The following SCN8A variants were observed in gnomAD, a reference collection of about 807,000 sequenced individuals.
SCN8A encodes the protein sodium voltage-gated channel alpha subunit 8.
Under a neutral mutation model 184.1 loss-of-function variants are expected in SCN8A, and 30 were observed. That is an observed-to-expected ratio of 0.16 (90% CI 0.12 to 0.22). The LOEUF is 0.22. Among genes scored for constraint, SCN8A ranks in the 10% least tolerant of loss-of-function variants. The pLI is 1.00. For synonymous variants in SCN8A, 852 were observed against 907.0 expected (o/e 0.94, Z 1.09); for missense variants, 1,057 against 2,498.9 (o/e 0.42, Z 12.30).
chr12:51,705,277 A>G (rs1371062665), intron 9 of SCN8A, 140 bp from the exon 10 acceptor site: 1 of 678,280 alleles, frequency 1.5e-6, no homozygotes, highest in Admixed American at 2.9e-5. Context: ...AAGTGCCCAC[A>G]ATAGGAAGGA....
In SCN8A at chr12:51,640,773, C is replaced by T. The variant is rs539528426; in HGVS notation, c.-54-21991C>T. 5.4e-4 allele frequency among the ~76,000 whole-genome samples: 82 copies of T among 152,310 alleles called. 1 individual carries two copies. The highest frequency in any genetic ancestry group is 9.1e-4 in the Admixed American group (14 of 15,310). On this transcript the variant is annotated intron_variant, in intron 1 of 26. Coordinates refer to ENST00000627620, the MANE Select transcript of SCN8A (RefSeq NM_001330260.2). ...ATCAGTTCCTGATTCATCCACCAGC[C>T]AAGGTTACTGTACCATCCTTGAGGT...
At chr12:51,621,650 T>A (rs1035808419) in intron 1 of SCN8A, among the ~76,000 whole-genome samples, 14 of 152,200 alleles carry the variant, frequency 9.2e-5, no homozygotes, top group Admixed American at 2.6e-4. Context: ...GCAGTACAGA[T>A]TTCTTTAATT....
chr12:51,651,273 G>A (rs184093669), intron 1 of SCN8A, among the ~76,000 whole-genome samples: 10 of 152,268 alleles, frequency 6.6e-5, no homozygotes, highest in Admixed American at 2.0e-4. Flanking sequence ...AACAGATCTC[G>A]GCCTGCTGCA....
At chr12:51,624,369 T>G (rs1263776286) in intron 1 of SCN8A, among the ~76,000 whole-genome samples, 2 of 152,244 alleles carry the variant, frequency 1.3e-5, no homozygotes, top group Non-Finnish European at 2.9e-5. Flanking sequence ...CCAGTGATGA[T>G]GAGCATTTTT....
chr12:51,606,999 G>A (rs1197460164), intron 1 of SCN8A, among the ~76,000 whole-genome samples: 1 of 152,002 alleles, frequency 6.6e-6, no homozygotes, highest in East Asian at 1.9e-4. Flanking sequence ...CCGGGCTCAA[G>A]CAATTCTCCT....
At chr12:51,649,824 G>A (rs1411373812) in intron 1 of SCN8A, among the ~76,000 whole-genome samples, 3 of 152,140 alleles carry the variant, frequency 2.0e-5, no homozygotes, top group African/African-American at 4.8e-5. Flanking sequence ...ATTAACATTC[G>A]CTCCTGATTC....
Position 51,706,714 on chromosome 12 carries a change from A to G in SCN8A, c.1634A>G (p.Gln545Arg), listed in dbSNP as rs763167976. 3 of 1,524,848 alleles carry G rather than the reference A, an allele frequency of 2.0e-6. No individual in the cohort carries two copies. Among genetic ancestry groups the G allele is most frequent in the Middle Eastern group, 3.5e-4 (2 of 5,696 alleles). 94.5% of individuals were successfully genotyped at this position (1,524,848 alleles called of 1,614,324 possible). ...RIGRKFSIMN[Q>R]SLLSIPGSPF... ...GGGAGGAAATTTTCCATCATGAATCAGGTAAACTCTTCTTTTTTCTATACC... is the reference window on the plus strand; with the variant it reads ...GGGAGGAAATTTTCCATCATGAATCGGGTAAACTCTTCTTTTTTCTATACC... Residue 545 changes from glutamine (Q) to arginine (R), a missense_variant and splice_region_variant, in exon 11 of 27, where the codon CAG becomes CGG. Physicochemically the swap from Gln to Arg is conservative, Grantham distance 43. Coordinates refer to ENST00000627620, the MANE Select transcript of SCN8A (RefSeq NM_001330260.2).
chr12:51,688,188 C>T (rs1044188072), intron 5 of SCN8A, among the ~76,000 whole-genome samples: 5 of 152,128 alleles, frequency 3.3e-5, no homozygotes, highest in African/African-American at 1.2e-4. Context: ...GCACTTAACA[C>T]AATATTTGCT....
chr12:51,790,558 A>G lies in SCN8A; in HGVS notation c.4524+56A>G, dbSNP rs2241855. The G allele has an allele frequency of 0.13, 150,085 of 1,171,798 alleles. 13,384 individuals carry two copies. Among genetic ancestry groups the G allele is most frequent in the East Asian group, 0.43 (17,628 of 41,346 alleles). The allele number at this position is 1,171,798 out of a possible 1,614,324, so 72.6% of individuals were successfully genotyped here. On this transcript the variant is annotated intron_variant, in intron 25 of 26. Coordinates refer to ENST00000627620, the MANE Select transcript of SCN8A (RefSeq NM_001330260.2). Reference sequence around the variant, plus strand: ...TGAGAACCCATATAGGAAAAGTACTAGTAGAGTTACTGCAAAGGAAGGAAA... The same window carrying G: ...TGAGAACCCATATAGGAAAAGTACTGGTAGAGTTACTGCAAAGGAAGGAAA...
intron 25 of SCN8A, 21 bp downstream of exon 25, chr12:51,790,523 G>A (rs778218090): frequency 1.3e-6 from 2 of 1,529,566 alleles, no homozygotes; most frequent in East Asian, 4.5e-5. Flanking sequence ...TGTGCAGGCT[G>A]AGGCCTTGGT....
At chr12:51,784,257 G>A (rs1031241772) in intron 21 of SCN8A, among the ~76,000 whole-genome samples, 1 of 152,266 alleles carries the variant, frequency 6.6e-6, no homozygotes, top group African/African-American at 2.4e-5. Context: ...TTATTAGTAC[G>A]TTTAATCAAC....
intron 11 of SCN8A, among the ~76,000 whole-genome samples, chr12:51,714,941 ACTCAT>A (rs1204003431): frequency 6.6e-6 from 1 of 152,204 alleles, no homozygotes; most frequent in East Asian, 1.9e-4. Flanking sequence ...AGTAAGGCCT[ACTCAT>A]CTCATAAACT....
At chr12:51,614,398 T>C (rs145469507) in intron 1 of SCN8A, among the ~76,000 whole-genome samples, 1 of 152,156 alleles carries the variant, frequency 6.6e-6, no homozygotes, top group African/African-American at 2.4e-5. Flanking sequence ...AATATAATCA[T>C]CCTACCTTTC....
rs551072690 is a variant in SCN8A at position 51,790,310 on chromosome 12, C to G, written c.4420-88C>G. The G allele has an allele frequency of 3.4e-5, 29 of 841,010 alleles. No homozygotes were observed. The African/African-American group carries it at 4.5e-4, about 13-fold the overall frequency. The allele number at this position is 841,010 out of a possible 1,614,324, so 52.1% of individuals were successfully genotyped here. On this transcript the variant is annotated intron_variant, in intron 24 of 26. Transcript: ENST00000627620. ...TACAAAGGAAAGGGATAGGTCTCCC[C>G]TCAGTTCTCAGTATTGAACCTTAGG...
intron 20 of SCN8A, chr12:51,780,344 G>T: frequency 2.8e-6 from 1 of 353,716 alleles, no homozygotes; most frequent in Non-Finnish European, 5.5e-6. Flanking sequence ...TCTCCTGTCA[G>T]CCTCTCCCCT....
At chr12:51,734,321 G>A (rs1334865218) in intron 12 of SCN8A, among the ~76,000 whole-genome samples, 2 of 152,198 alleles carry the variant, frequency 1.3e-5, no homozygotes, top group African/African-American at 2.4e-5. Flanking sequence ...TCAGAGCTGA[G>A]AGCCCCAAAC....
chr12:51,700,270 G>T (rs1941664971), intron 7 of SCN8A, among the ~76,000 whole-genome samples: 2 of 152,026 alleles, frequency 1.3e-5, no homozygotes. Flanking sequence ...CTCGACGTAG[G>T]ATTGTGTTCA....
At chr12:51,622,266 G>GGT (rs1692215490) in intron 1 of SCN8A, among the ~76,000 whole-genome samples, 1 of 152,044 alleles carries the variant, frequency 6.6e-6, no homozygotes, top group African/African-American at 2.4e-5. Flanking sequence ...ATATCACCAT[G>GGT]GTGTATTTGT....
In SCN8A at chr12:51,712,701, C is replaced by A. The variant is rs192960960; in HGVS notation, c.1635+5986C>A. On this transcript the variant is annotated intron_variant, in intron 11 of 26. Transcript: ENST00000627620. ...CCTCCACCACCGCTACCATATCCAC[C>A]ACACCACCTTGGTTTCCATATCCTG... 4.0e-4 allele frequency: 373 copies of A among 925,874 alleles called. 3 individuals are homozygous for A. The African/African-American group carries it at 4.5e-3, about 11-fold the overall frequency. 57.4% of individuals were successfully genotyped at this position (925,874 alleles called of 1,614,324 possible).
Sources: allele counts gnomAD v4.1 joint callset (sites outside exome capture counted in the v4.1 genomes callset), GRCh38; gene constraint gnomAD v4.1.1; transcripts MANE v1.5; gene names NCBI Gene and HGNC (gene_info 2026-07-23, HGNC 2026-07-21).